Variants in HYDIN observed in about 807,000 individuals in gnomAD.
HYDIN encodes HYDIN axonemal central pair apparatus protein, also known as axonemal central pair apparatus protein HYDIN.
In HYDIN, 132 loss-of-function variants were observed where a neutral mutation model predicts 403.9. The ratio of observed to expected loss-of-function variants is 0.33; its 90% CI spans 0.28 to 0.38. The LOEUF (loss-of-function observed/expected upper bound fraction) is 0.38, where lower values mean the gene tolerates loss of function less well. HYDIN is among the 10% of genes least tolerant of loss of function. The pLI, the probability that HYDIN is intolerant of heterozygous loss-of-function variation, is 1.00. For missense variants in HYDIN, 2,827 were observed against 5,009.5 expected (o/e 0.56, Z 13.15); for synonymous variants, 1,202 against 1,891.7 (o/e 0.64, Z 9.46).
Position 71,204,467 on chromosome 16 carries a change from G to A in HYDIN, c.-23-17549C>T, listed in dbSNP as rs9939836. 5.3e-5 allele frequency among the ~76,000 whole-genome samples: 8 copies of A among 152,112 alleles called. No individual in the cohort carries two copies. In the East Asian group the frequency reaches 5.8e-4, roughly 11 times the overall value. ...AAGTGAACAGCAAGCTAGTTTGACCGTTCTCGATTGAGTGCTTTCAACATT... is the reference window on the plus strand; with the variant it reads ...AAGTGAACAGCAAGCTAGTTTGACCATTCTCGATTGAGTGCTTTCAACATT... On this transcript the variant is annotated intron_variant, in intron 1 of 85. Coordinates refer to ENST00000393567, the MANE Select transcript of HYDIN (RefSeq NM_001270974.2).
intron 75 of HYDIN, among the ~76,000 whole-genome samples, chr16:70,848,256 G>A (rs2038358887): frequency 6.8e-6 from 1 of 148,044 alleles, no homozygotes; most frequent in Admixed American, 6.7e-5. Context: ...TAGACATGGT[G>A]TCCTATAGTT....
chr16:70,862,336 G>C, intron 68 of HYDIN, 81 bp from the exon 69 acceptor site: 1 of 760,734 alleles, frequency 1.3e-6, no homozygotes, highest in Non-Finnish European at 2.1e-6. Context: ...CAGGTCCTTA[G>C]GGGCCCTCTG....
chr16:70,810,958 A>G (rs1336487041), intron 84 of HYDIN, among the ~76,000 whole-genome samples: 3 of 152,218 alleles, frequency 2.0e-5, no homozygotes, highest in African/African-American at 7.2e-5. Flanking sequence ...TTTGTGAAGA[A>G]TATGTCTATG....
At chr16:71,034,887 G>C (rs1466867429) in intron 18 of HYDIN, among the ~76,000 whole-genome samples, 1 of 148,786 alleles carries the variant, frequency 6.7e-6, no homozygotes, top group East Asian at 2.0e-4. Flanking sequence ...AAAAGACATA[G>C]AAATAGAAAA....
intron 5 of HYDIN, among the ~76,000 whole-genome samples, chr16:71,173,816 T>A (rs552587795): frequency 6.1e-4 from 93 of 152,312 alleles, no homozygotes; most frequent in Admixed American, 2.2e-3. Flanking sequence ...TGTGTATCCC[T>A]TTTTCAGTCA....
chr16:70,824,987 C>A (rs1199237051), intron 83 of HYDIN, among the ~76,000 whole-genome samples: 4 of 151,794 alleles, frequency 2.6e-5, no homozygotes, highest in Non-Finnish European at 5.9e-5. Context: ...GTAGCTGAGA[C>A]TATAGGCGCG....
chr16:71,081,024 C>G (rs1035501516), intron 12 of HYDIN: 17 of 151,798 alleles, frequency 1.1e-4, no homozygotes, highest in African/African-American at 3.6e-4. Context: ...GAAGGAAACA[C>G]AGCCCTGCCA....
chr16:71,017,185 C>T (rs1486930761), intron 23 of HYDIN, among the ~76,000 whole-genome samples: 1 of 123,008 alleles, frequency 8.1e-6, no homozygotes, highest in Non-Finnish European at 1.8e-5. Context: ...ACTAAAAATA[C>T]AAAAAAAAAA....
At chr16:71,002,231 T>C (rs1187683757) in intron 23 of HYDIN, among the ~76,000 whole-genome samples, 1 of 152,232 alleles carries the variant, frequency 6.6e-6, no homozygotes, top group East Asian at 1.9e-4. Flanking sequence ...ACTATGATTT[T>C]GTGCTTTTTG....
chr16:71,023,997 T>C lies in HYDIN; in HGVS notation c.3186+1386A>G, dbSNP rs143287716. On this transcript the variant is annotated intron_variant, in intron 21 of 85. Transcript: ENST00000393567. ...CACTGTGGGGCAGTGACTTACTTAA[T>C]GCTTGGTCTTCCCAGCAGGCTGTGA... 3.0e-3 allele frequency among the ~76,000 whole-genome samples: 456 copies of C among 152,342 alleles called. 1 individual carries two copies. Among genetic ancestry groups the C allele is most frequent in the African/African-American group, 0.01 (436 of 41,568 alleles).
At position 70,984,474 on chromosome 16, in the gene HYDIN, T is replaced by C. The variant is rs557133004; in HGVS notation, c.4332+711A>G. ...AAAAGGGGAGTTGACCTAACAGATA[T>C]TAAGATGTATTTCTAAAGCCATAGC... On this transcript the variant is annotated intron_variant, in intron 28 of 85. Coordinates refer to ENST00000393567, the MANE Select transcript of HYDIN (RefSeq NM_001270974.2). Among the ~76,000 whole-genome samples the C allele has an allele frequency of 4.5e-4, 65 of 143,416 alleles. No homozygotes were observed. In the East Asian group the frequency reaches 0.013, roughly 28 times the overall value. The allele number at this position is 143,416 out of a possible 152,430, so 94.1% of individuals were successfully genotyped here. A position where few individuals can be genotyped will look rare whatever the true frequency, so the allele number is the denominator to read the frequency against.
At chr16:71,040,485 GCACCCCCCTCCCCC>G (rs1161979055) in intron 18 of HYDIN, among the ~76,000 whole-genome samples, 1 of 47,294 alleles carries the variant, frequency 2.1e-5, no homozygotes, top group Non-Finnish European at 4.6e-5. Flanking sequence ...CCCCCTCCCC[GCACCCCCCTCCCCC>G]CCACACACAC....
intron 62 of HYDIN, among the ~76,000 whole-genome samples, chr16:70,875,593 T>C (rs1368630662): frequency 6.6e-6 from 1 of 152,198 alleles, no homozygotes; most frequent in African/African-American, 2.4e-5. Context: ...AATAGTGATA[T>C]CACACGGGAA....
chr16:70,941,896 A>AG, intron 42 of HYDIN, 77 bp from the exon 43 acceptor site: 1 of 1,063,176 alleles, frequency 9.4e-7, no homozygotes, highest in Non-Finnish European at 1.3e-6. Context: ...CTGGGGCTGC[A>AG]AAGGGTTCTG....
chr16:70,833,203 G>A, intron 79 of HYDIN, 136 bp from the exon 80 acceptor site: 1 of 742,862 alleles, frequency 1.3e-6, no homozygotes, highest in Non-Finnish European at 2.1e-6. Context: ...GGAGGAGAAA[G>A]ATCTCTGCCA....
intron 22 of HYDIN, among the ~76,000 whole-genome samples, chr16:71,019,426 C>T (rs1411298811): frequency 8.5e-5 from 13 of 152,264 alleles, no homozygotes; most frequent in African/African-American, 2.9e-4. Flanking sequence ...ATTCAACAGT[C>T]AGAGAGAGAG....
intron 18 of HYDIN, among the ~76,000 whole-genome samples, chr16:71,050,380 A>G (rs977390): frequency 0.14 from 11,465 of 84,640 alleles, 1,123 homozygotes; most frequent in Middle Eastern, 0.18. Context: ...CGTAAACTAC[A>G]GATCTCTAGC....
chr16:71,000,302 C>T (rs1467320576), intron 23 of HYDIN, among the ~76,000 whole-genome samples: 1 of 148,864 alleles, frequency 6.7e-6, no homozygotes, highest in Non-Finnish European at 1.5e-5. Flanking sequence ...CTGGAAACAT[C>T]GGGAAAATGC....
chr16:70,999,285 C>G (rs2079626296), intron 23 of HYDIN, among the ~76,000 whole-genome samples: 1 of 151,706 alleles, frequency 6.6e-6, no homozygotes, highest in South Asian at 2.1e-4. Flanking sequence ...CAAGGTGATT[C>G]TAATGTGCAT....
Sources: allele counts gnomAD v4.1 joint callset (sites outside exome capture counted in the v4.1 genomes callset), GRCh38; gene constraint gnomAD v4.1.1; transcripts MANE v1.5; gene names NCBI Gene and HGNC (gene_info 2026-07-23, HGNC 2026-07-21).